The following STRIP2 variants were observed in gnomAD, a reference collection of about 807,000 sequenced individuals.
STRIP2 encodes striatin interacting protein 2, also known as striatin-interacting protein 2.
In STRIP2, 84 loss-of-function variants were observed where a neutral mutation model predicts 107.1. That is an observed-to-expected ratio of 0.78 (90% CI 0.66 to 0.94). The LOEUF (loss-of-function observed/expected upper bound fraction) is 0.94, where lower values mean the gene tolerates loss of function less well. Ranked by LOEUF, STRIP2 falls within the 40% of genes least tolerant of loss-of-function variation. STRIP2 has a pLI of 0.00. For missense variants in STRIP2, 888 were observed against 1,034.2 expected, an observed-to-expected ratio of 0.86 and a Z score of 1.94; for synonymous variants, 394 against 400.4, an observed-to-expected ratio of 0.98 and a Z score of 0.19.
At chr7:129,473,443 A>T (rs1427490541) in intron 18 of STRIP2, among the ~76,000 whole-genome samples, 1 of 151,568 alleles carries the variant, frequency 6.6e-6, no homozygotes, top group African/African-American at 2.4e-5. Flanking sequence ...AGCACGGCCC[A>T]TCGCAGCCTC....
chr7:129,467,649 A>C (rs896544882), intron 17 of STRIP2, among the ~76,000 whole-genome samples, 199 bp downstream of exon 17: 1 of 152,156 alleles, frequency 6.6e-6, no homozygotes, highest in South Asian at 2.1e-4. Context: ...TTATATTTTA[A>C]TAGTTTTAAA....
intron 20 of STRIP2, among the ~76,000 whole-genome samples, chr7:129,484,341 G>C (rs1799195451): frequency 6.6e-6 from 1 of 152,192 alleles, no homozygotes; most frequent in Non-Finnish European, 1.5e-5. Flanking sequence ...AGATTGATCA[G>C]AGTTTGGAAA....
At chr7:129,450,469 G>C (rs574899571) in intron 3 of STRIP2, among the ~76,000 whole-genome samples, 1 of 152,268 alleles carries the variant, frequency 6.6e-6, no homozygotes, top group African/African-American at 2.4e-5. Flanking sequence ...ACTCTCAATA[G>C]TAATTTCATG....
intron 18 of STRIP2, among the ~76,000 whole-genome samples, chr7:129,476,982 G>A (rs1021404399): frequency 3.3e-5 from 5 of 151,010 alleles, no homozygotes; most frequent in African/African-American, 1.2e-4. Flanking sequence ...AGACCAGCCC[G>A]GCCAACACAG....
rs763392831 is a variant in STRIP2 at position 129,485,753 on chromosome 7, A to G, written c.2429A>G (p.Tyr810Cys). The G allele has an allele frequency of 1.9e-6, 3 of 1,614,166 alleles. No individual in the cohort carries two copies. Among genetic ancestry groups the G allele is most frequent in the Non-Finnish European group, 2.5e-6 (3 of 1,180,022 alleles). ...QRLDLPEDFH[Y>C]SYELWLEREV... is the part of the protein sequence containing the mutation. ...TTGGATCTGCCTGAAGATTTCCACT[A>G]TTCATATGAGCTCTGGCTCGAGAGA... Residue 810 changes from tyrosine (Y) to cysteine (C), a missense_variant, in exon 21 of 21, where the codon TAT (tyrosine) becomes TGT (cysteine). Coordinates refer to ENST00000249344, the MANE Select transcript of STRIP2 (RefSeq NM_020704.3).
At chr7:129,467,490 G>C in intron 17 of STRIP2, 40 bp downstream of exon 17, 1 of 1,492,802 alleles carries the variant, frequency 6.7e-7, no homozygotes, top group South Asian at 1.2e-5. Context: ...GGGCTATTTT[G>C]GGGTGGTTGA....
Position 129,485,805 on chromosome 7 carries a change from G to A in STRIP2, c.2481G>A (p.Trp827Ter), listed in dbSNP as rs747642407. 5.6e-6 allele frequency: 9 copies of A among 1,613,912 alleles called. No individual in the cohort carries two copies. In the South Asian group the frequency reaches 8.8e-5, roughly 16 times the overall value. The change falls in exon 21 of 21, where the codon TGG becomes TGA. Residue 827 changes from tryptophan to a stop codon, truncating the protein, a stop_gained. Coordinates refer to ENST00000249344, the MANE Select transcript of STRIP2 (RefSeq NM_020704.3). LOFTEE classifies it high-confidence loss of function. ...EREVFSQPIC[W>*]EELLQNH ...AGGTGTTTTCACAGCCCATCTGTTG[G>A]GAGGAGCTGCTCCAGAATCACTGAC...
At position 129,459,869 on chromosome 7, in the gene STRIP2, T is replaced by C. The variant is rs1798480625; in HGVS notation, c.1404+289T>C. Among the ~76,000 whole-genome samples the C allele has an allele frequency of 1.3e-5, 2 of 152,170 alleles. 1 individual carries two copies. Among genetic ancestry groups the C allele is most frequent in the South Asian group, 4.1e-4 (2 of 4,822 alleles). ...CTTGCTTCTTTTTCTTTCACTTCTC[T>C]CTGTCCATAAGTCTACTAACTTCCA... On this transcript the variant is annotated intron_variant, in intron 12 of 20. Transcript: ENST00000249344.
At chr7:129,457,932 CA>C (rs1554377925) in intron 9 of STRIP2, 23 of 431,762 alleles carry the variant, frequency 5.3e-5, no homozygotes, top group East Asian at 9.8e-5. Context: ...AAAGTGCTGG[CA>C]AAAAAAGGCA....
intron 15 of STRIP2, 77 bp downstream of exon 15, chr7:129,464,218 G>A (rs1168294066): frequency 3.7e-6 from 4 of 1,079,668 alleles, no homozygotes; most frequent in Admixed American, 1.8e-5. Flanking sequence ...CACTCACCTT[G>A]TTAACACTTA....
rs765021830 is a variant in STRIP2, at chr7:129,454,109, T to G, written c.531-33T>G. 1.9e-6 allele frequency: 3 copies of G among 1,600,134 alleles called. No homozygotes were observed. The Admixed American group carries it at 5.0e-5, about 27-fold the overall frequency. ...GAGCACAGAGAGAAAAGAAGTCTTA[T>G]GCATTCCTGTTCTTTTTCTCCTCCC... is the stretch of plus-strand genomic sequence containing the variant. On this transcript the variant is annotated intron_variant, in intron 5 of 20. Transcript: ENST00000249344.
intron 2 of STRIP2, among the ~76,000 whole-genome samples, chr7:129,440,379 C>T (rs928284916): frequency 6.6e-6 from 1 of 152,160 alleles, no homozygotes; most frequent in African/African-American, 2.4e-5. Flanking sequence ...GGTGCACTCT[C>T]AAATCAGTTT....
intron 18 of STRIP2, among the ~76,000 whole-genome samples, chr7:129,478,829 G>A (rs1799040044): frequency 6.6e-6 from 1 of 152,096 alleles, no homozygotes; most frequent in Admixed American, 6.6e-5. Context: ...CTTCTACAAG[G>A]GGATGCCTTC....
At chr7:129,471,018 T>C (rs1454460149) in intron 18 of STRIP2, among the ~76,000 whole-genome samples, 3 of 152,250 alleles carry the variant, frequency 2.0e-5, no homozygotes, top group Admixed American at 1.3e-4. Flanking sequence ...CTATGCTAAA[T>C]GCAGGACAAT....
At chr7:129,482,353 CTCTATATATA>C (rs768690509) in intron 19 of STRIP2, among the ~76,000 whole-genome samples, 4 of 98,804 alleles carry the variant, frequency 4.0e-5, no homozygotes, top group East Asian at 5.6e-4. Flanking sequence ...CTCTCTCTCT[CTCTATATATA>C]TATATATATA....
At position 129,482,887 on chromosome 7, in the gene STRIP2, A is replaced by G. The variant is rs765977926; in HGVS notation, c.2095A>G (p.Lys699Glu). Reference sequence around the variant, plus strand: ...GGCACCAATCTTAAAGCGGGCCCTCAAGGTCAAACAGGCCATGCTGCAACT... The same window carrying G: ...GGCACCAATCTTAAAGCGGGCCCTCGAGGTCAAACAGGCCATGCTGCAACT... ...KSAPILKRAL[K>E]VKQAMLQLYV... The change falls in exon 20 of 21, where the codon AAG becomes GAG. Residue 699 changes from lysine (K) to glutamate (E), a missense_variant. By Grantham distance (56) the Lys-to-Glu change is moderately conservative (BLOSUM62 1). Coordinates refer to ENST00000249344, the MANE Select transcript of STRIP2 (RefSeq NM_020704.3). 6.2e-7 allele frequency: 1 copy of G among 1,614,122 alleles called. No homozygotes were observed. Among genetic ancestry groups the G allele is most frequent in the Non-Finnish European group, 8.5e-7 (1 of 1,180,028 alleles).
In STRIP2 at chr7:129,458,855, A is replaced by T. The variant is rs927317008; in HGVS notation, c.1340+78A>T. The stretch of plus-strand genomic sequence containing the variant: ...AGGAGCAGGTAGCTTGGAATGAGGG[A>T]TGGTGCCTGGTGGTCATAATGTAAC... On this transcript the variant is annotated intron_variant, in intron 11 of 20. Coordinates refer to ENST00000249344, the MANE Select transcript of STRIP2 (RefSeq NM_020704.3). The surrounding 1 kb of genome is among the most constrained non-coding windows in gnomAD (Gnocchi z 4.6). The T allele has an allele frequency of 4.3e-6, 6 of 1,392,098 alleles. No homozygotes were observed. The highest frequency in any genetic ancestry group is 6.1e-6 in the Non-Finnish European group (6 of 980,146). 86.2% of individuals were successfully genotyped at this position (1,392,098 alleles called of 1,614,324 possible).
In STRIP2 at chr7:129,458,704, C is replaced by T. The variant is rs79582246; in HGVS notation, c.1275-8C>T. The T allele has an allele frequency of 1.3e-3, 2,057 of 1,614,148 alleles. 24 individuals are homozygous for T. In the African/African-American group the frequency reaches 0.024, roughly 19 times the overall value. The stretch of plus-strand genomic sequence containing the variant: ...TCTCTGGGATTGGTCTTTCCACCAT[C>T]CTCTCAGACAGAAGGACATTGAGCA... On this transcript the variant is annotated splice_polypyrimidine_tract_variant and splice_region_variant and intron_variant, in intron 10 of 20. Coordinates refer to ENST00000249344, the MANE Select transcript of STRIP2 (RefSeq NM_020704.3). The surrounding 1 kb of genome is among the most constrained non-coding windows in gnomAD (Gnocchi z 4.6).
chr7:129,434,673 C>T (rs951356476), intron 1 of STRIP2, 72 bp downstream of exon 1: 25 of 1,393,980 alleles, frequency 1.8e-5, no homozygotes, highest in Non-Finnish European at 2.2e-5. Flanking sequence ...TGAGGTGATT[C>T]GGCCTCGGCC....
Sources: gnomAD v4.1 joint callset for allele counts (sites outside exome capture counted in the v4.1 genomes callset) on GRCh38, gnomAD v4.1.1 for gene constraint, Gnocchi (gnomAD v3.1) non-coding constraint, MANE v1.5 for transcripts, NCBI Gene and HGNC (gene_info 2026-07-23, HGNC 2026-07-21) for gene names.